The following PFKFB3 variants were observed in gnomAD, a reference collection of about 807,000 sequenced individuals.
PFKFB3 encodes the protein 6-phosphofructo-2-kinase/fructose-2,6-biphosphatase 3.
PFKFB3 carries 33 observed loss-of-function variants against 68.0 expected under a neutral mutation model. The ratio of observed to expected loss-of-function variants is 0.49; its 90% CI spans 0.37 to 0.65. The LOEUF is 0.65. Among genes scored for constraint, PFKFB3 ranks in the 30% least tolerant of loss-of-function variants. The pLI, the probability that PFKFB3 is intolerant of heterozygous loss-of-function variation, is 0.00. For synonymous variants in PFKFB3, 315 were observed against 288.2 expected, an observed-to-expected ratio of 1.09 and a Z score of -0.94; for missense variants, 586 against 712.2, an observed-to-expected ratio of 0.82 and a Z score of 2.02.
Position 6,215,983 on chromosome 10 carries a change from G to A in PFKFB3, c.300-142G>A. 1.2e-6 allele frequency: 1 copy of A among 818,172 alleles called. No individual in the cohort carries two copies. Among genetic ancestry groups the A allele is most frequent in the African/African-American group, 1.7e-5 (1 of 59,928 alleles). 50.7% of individuals were successfully genotyped at this position (818,172 alleles called of 1,614,324 possible). ...GGTTGGAAGCCTCTGGGCCTGAGGG[G>A]TGCTGGCCAGCCTGCCCAGCGCTAA... is the stretch of plus-strand genomic sequence containing the variant. On this transcript the variant is annotated intron_variant, in intron 3 of 14. Transcript: ENST00000379775. This position sits in a 1 kb window ranked among gnomAD's most constrained non-coding sequence, Gnocchi z 4.3.
chr10:6,277,850 T>TA, the PFKFB3 span: 1 of 258,154 alleles, frequency 3.9e-6, no homozygotes, highest in Non-Finnish European at 8.3e-6. Context: ...ATACAGCATG[T>TA]AACCTGCTAG....
At chr10:6,272,658 G>T in the PFKFB3 span, among the ~76,000 whole-genome samples, 1 of 152,074 alleles carries the variant, frequency 6.6e-6, no homozygotes, top group Non-Finnish European at 1.5e-5. Context: ...TCGTGCCATT[G>T]AACTCCAGCC....
chr10:6,236,618 C>G (rs538910650), downstream of PFKFB3, among the ~76,000 whole-genome samples: 3 of 152,214 alleles, frequency 2.0e-5, no homozygotes, highest in Non-Finnish European at 4.4e-5. Flanking sequence ...TTCTGGGGAA[C>G]CTGAGGCCAC....
intron 11 of PFKFB3, among the ~76,000 whole-genome samples, chr10:6,223,669 C>G (rs1845122445): frequency 6.6e-6 from 1 of 152,162 alleles, no homozygotes; most frequent in African/African-American, 2.4e-5. Context: ...CTTGCGCAGG[C>G]TGCAGTGCAA....
chr10:6,220,438 C>A lies in PFKFB3; in HGVS notation c.624-220C>A, dbSNP rs1021742586. On this transcript the variant is annotated intron_variant, in intron 7 of 14. Transcript: ENST00000379775. This position sits in a 1 kb window ranked among gnomAD's most constrained non-coding sequence, Gnocchi z 4.1. ...TTCTCCATTTTCTTTCTTTTTTCTC[C>A]CCCTTTTCTGGGAGGCAGGCCAGCC... Among the ~76,000 whole-genome samples, 5 of 152,266 alleles carry A rather than the reference C, an allele frequency of 3.3e-5. No homozygotes were observed. Among genetic ancestry groups the A allele is most frequent in the East Asian group, 1.9e-4 (1 of 5,186 alleles).
chr10:6,294,910 A>G, the PFKFB3 span, among the ~76,000 whole-genome samples: 1 of 149,972 alleles, frequency 6.7e-6, no homozygotes, highest in Admixed American at 6.6e-5. Context: ...TAATCCCCAC[A>G]TCTCTGCCAT....
the PFKFB3 span, among the ~76,000 whole-genome samples, chr10:6,287,960 A>G: frequency 1.3e-5 from 2 of 152,074 alleles, no homozygotes; most frequent in African/African-American, 4.8e-5. Context: ...AGGCAGTTCT[A>G]TTGGAGACAG....
In PFKFB3 at chr10:6,235,432, C is replaced by T. The variant is rs1362921710; in HGVS notation, c.*2490C>T. 6.6e-6 allele frequency: 1 copy of T among 152,226 alleles called. No homozygotes were observed. Among genetic ancestry groups the T allele is most frequent in the Admixed American group, 6.5e-5 (1 of 15,276 alleles). The allele number at this position is 152,226 out of a possible 1,614,324, so 9.4% of individuals were successfully genotyped here. A position where few individuals can be genotyped will look rare whatever the true frequency, so the allele number is the denominator to read the frequency against. ...TCTGTGTATTTGTCTGAATTAATGACCTGGGATATAAAGCTATGCTAGCTT... is the reference window on the plus strand; with the variant it reads ...TCTGTGTATTTGTCTGAATTAATGATCTGGGATATAAAGCTATGCTAGCTT... On this transcript the variant is annotated 3_prime_UTR_variant, in exon 15 of 15. Transcript: ENST00000379775.
chr10:6,160,060 A>G (rs1447097169), intron 1 of PFKFB3, among the ~76,000 whole-genome samples: 1 of 144,882 alleles, frequency 6.9e-6, no homozygotes, highest in Non-Finnish European at 1.6e-5. Context: ...TGCCCGGCCT[A>G]CGATACTTTT....
At chr10:6,258,308 A>T (rs1034640726), downstream of PFKFB3, among the ~76,000 whole-genome samples, 1 of 152,164 alleles carries the variant, frequency 6.6e-6, no homozygotes, top group East Asian at 1.9e-4. Context: ...GGGTGAAGGG[A>T]TCATGGAGAC....
the PFKFB3 span, among the ~76,000 whole-genome samples, chr10:6,305,861 C>G: frequency 6.6e-6 from 1 of 152,178 alleles, no homozygotes; most frequent in Non-Finnish European, 1.5e-5. Context: ...TCAGATCACA[C>G]AGGTAATGTG....
the PFKFB3 span, among the ~76,000 whole-genome samples, chr10:6,295,783 G>T: frequency 2.6e-5 from 4 of 152,134 alleles, no homozygotes; most frequent in Non-Finnish European, 4.4e-5. Flanking sequence ...GTGTATTTCA[G>T]AACAGTTACT....
chr10:6,222,937 A>C lies in PFKFB3; in HGVS notation c.1166A>C (p.Gln389Pro). 1 of 1,613,842 alleles carries C rather than the reference A, an allele frequency of 6.2e-7. No homozygotes were observed. Among genetic ancestry groups the C allele is most frequent in the East Asian group, 2.2e-5 (1 of 44,856 alleles). The part of the protein sequence containing the change: ...RQENVLVICH[Q>P]AVLRCLLAYF... ...GAGAATGTGCTGGTCATCTGCCACC[A>C]GGCCGTCCTGCGCTGCCTGCTTGCC... The change falls in exon 11 of 15, where the codon CAG becomes CCG. Residue 389 changes from glutamine (Q) to proline (P), a missense_variant. Physicochemically the swap from Gln to Pro is moderately conservative, Grantham distance 76. Transcript: ENST00000379775.
chr10:6,163,862 G>C (rs1289024865), intron 1 of PFKFB3: 1 of 152,072 alleles, frequency 6.6e-6, no homozygotes, highest in Non-Finnish European at 1.5e-5. Flanking sequence ...CCTGCTCTGC[G>C]GCGACTGTCC....
chr10:6,171,134 G>T (rs1383048982), intron 1 of PFKFB3, among the ~76,000 whole-genome samples: 1 of 151,966 alleles, frequency 6.6e-6, no homozygotes, highest in Admixed American at 6.6e-5. Context: ...CGCAACCTCC[G>T]TCTCCCGGGT....
At chr10:6,274,200 TAA>T in the PFKFB3 span, among the ~76,000 whole-genome samples, 1 of 141,654 alleles carries the variant, frequency 7.1e-6, no homozygotes, top group Admixed American at 7.1e-5. Flanking sequence ...ATCCTATCTC[TAA>T]AAAAAAAAAA....
chr10:6,157,426 C>T (rs1378786962), intron 1 of PFKFB3, among the ~76,000 whole-genome samples: 2 of 152,096 alleles, frequency 1.3e-5, no homozygotes, highest in Admixed American at 6.6e-5. Flanking sequence ...CGGGGTTTCA[C>T]CGTGTTAGCC....
chr10:6,322,106 G>A, the PFKFB3 span, among the ~76,000 whole-genome samples: 2 of 152,100 alleles, frequency 1.3e-5, no homozygotes, highest in African/African-American at 4.8e-5. Flanking sequence ...TGACTCACAG[G>A]CGACTCAAAC....
At chr10:6,236,699 C>A (rs566287807), downstream of PFKFB3, among the ~76,000 whole-genome samples, 1 of 152,176 alleles carries the variant, frequency 6.6e-6, no homozygotes, top group Admixed American at 6.5e-5. Flanking sequence ...GTGGCGTTGA[C>A]GGAAATCTGG....
Sources: allele counts gnomAD v4.1 joint callset (sites outside exome capture counted in the v4.1 genomes callset), GRCh38; gene constraint gnomAD v4.1.1; non-coding constraint Gnocchi (gnomAD v3.1); transcripts MANE v1.5; gene names NCBI Gene and HGNC (gene_info 2026-07-23, HGNC 2026-07-21).